The following MAP4K3 variants were observed in gnomAD, a reference collection of about 807,000 sequenced individuals.
MAP4K3 encodes mitogen-activated protein kinase kinase kinase kinase 3.
Under a neutral mutation model 143.5 loss-of-function variants are expected in MAP4K3, and 94 were observed. That is an observed-to-expected ratio of 0.65 (90% CI 0.55 to 0.78). MAP4K3 has a LOEUF of 0.78. Among genes scored for constraint, MAP4K3 ranks in the 30% least tolerant of loss-of-function variants. The pLI is 0.00. For synonymous variants in MAP4K3, 416 were observed against 347.2 expected (o/e 1.20, Z -2.20); for missense variants, 1,077 against 1,068.1 (o/e 1.01, Z -0.12).
intron 26 of MAP4K3, among the ~76,000 whole-genome samples, chr2:39,269,563 C>T (rs920517068): frequency 3.4e-5 from 5 of 147,898 alleles, no homozygotes; most frequent in Non-Finnish European, 5.9e-5. Context: ...CAACCTCTGC[C>T]TCTTGGGTTC....
At chr2:39,396,704 A>G (rs1572486914) in intron 1 of MAP4K3, among the ~76,000 whole-genome samples, 1 of 151,954 alleles carries the variant, frequency 6.6e-6, no homozygotes, top group African/African-American at 2.4e-5. Flanking sequence ...CGATCTCCTG[A>G]CCTTGTGATC....
intron 12 of MAP4K3, among the ~76,000 whole-genome samples, chr2:39,323,978 C>T (rs1683404756): frequency 6.6e-6 from 1 of 152,110 alleles, no homozygotes; most frequent in African/African-American, 2.4e-5. Flanking sequence ...GATTACTTTG[C>T]AGAATTTTAG....
Position 39,292,838 on chromosome 2 carries a change from G to T in MAP4K3, c.1218-12C>A. 1 of 1,605,310 alleles carries T rather than the reference G, an allele frequency of 6.2e-7. No individual in the cohort carries two copies. Among genetic ancestry groups the T allele is most frequent in the Non-Finnish European group, 8.5e-7 (1 of 1,172,756 alleles). ...GTGCGACGTGTCCTCTAAATAAAAA[G>T]GATAATGTCATTGTTATTAAATGGA... On this transcript the variant is annotated splice_polypyrimidine_tract_variant and intron_variant, in intron 17 of 33. Transcript: ENST00000263881.
At chr2:39,276,561 G>C (rs1681262007) in intron 24 of MAP4K3, among the ~76,000 whole-genome samples, 1 of 152,184 alleles carries the variant, frequency 6.6e-6, no homozygotes, top group African/African-American at 2.4e-5. Context: ...TGGAGTCTTT[G>C]GCAAGTTACT....
At chr2:39,306,626 CTTT>C (rs200022793) in intron 15 of MAP4K3, among the ~76,000 whole-genome samples, 1 of 152,066 alleles carries the variant, frequency 6.6e-6, no homozygotes, top group Non-Finnish European at 1.5e-5. Flanking sequence ...TTTAAATCTA[CTTT>C]TTTTTAAAGG....
At chr2:39,327,878 T>C (rs928037920) in intron 8 of MAP4K3, among the ~76,000 whole-genome samples, 21 of 151,746 alleles carry the variant, frequency 1.4e-4, no homozygotes, top group African/African-American at 4.6e-4. Context: ...TGCTCTCCCT[T>C]CTTCTATGTA....
intron 1 of MAP4K3, among the ~76,000 whole-genome samples, chr2:39,385,553 T>C (rs1428406541): frequency 1.5e-4 from 1 of 6,604 alleles, no homozygotes; most frequent in African/African-American, 1.8e-4. Flanking sequence ...GCGTTCTTCA[T>C]ATATATATAT....
intron 1 of MAP4K3, among the ~76,000 whole-genome samples, chr2:39,397,972 G>T (rs1666853779): frequency 6.6e-6 from 1 of 152,124 alleles, no homozygotes; most frequent in Admixed American, 6.5e-5. Context: ...TCTGATTTAA[G>T]TCCAACCACT....
intron 1 of MAP4K3, among the ~76,000 whole-genome samples, chr2:39,385,028 T>C (rs1314684186): frequency 6.6e-6 from 1 of 152,244 alleles, no homozygotes; most frequent in Non-Finnish European, 1.5e-5. Context: ...TTTCACCAAG[T>C]TGTTGCATAT....
chr2:39,385,821 G>A (rs1404240860), intron 1 of MAP4K3, among the ~76,000 whole-genome samples: 1 of 151,740 alleles, frequency 6.6e-6, no homozygotes, highest in Non-Finnish European at 1.5e-5. Flanking sequence ...TAGTAGAGAT[G>A]AGGTTTCACC....
chr2:39,403,768 G>C (rs1667018240), intron 1 of MAP4K3, among the ~76,000 whole-genome samples: 1 of 151,348 alleles, frequency 6.6e-6, no homozygotes, highest in South Asian at 2.1e-4. Context: ...GCAGCTAAGG[G>C]AGTGCTTGTG....
chr2:39,262,562 TA>T (rs202195339), intron 28 of MAP4K3, among the ~76,000 whole-genome samples: 5 of 151,458 alleles, frequency 3.3e-5, no homozygotes, highest in East Asian at 3.9e-4. Context: ...AACAACGCTT[TA>T]AAAAAAAACA....
At chr2:39,425,135 G>T (rs1204979904) in intron 1 of MAP4K3, among the ~76,000 whole-genome samples, 1 of 135,582 alleles carries the variant, frequency 7.4e-6, no homozygotes, top group Non-Finnish European at 1.6e-5. Context: ...CCTCCACTCA[G>T]CTGTCAATTT....
chr2:39,371,720 G>C (rs976693275), intron 2 of MAP4K3, among the ~76,000 whole-genome samples: 1 of 151,734 alleles, frequency 6.6e-6, no homozygotes, highest in South Asian at 2.1e-4. Flanking sequence ...AACAAGAAAA[G>C]AACAGGAGTA....
At chr2:39,324,204 C>T (rs899207862) in intron 12 of MAP4K3, among the ~76,000 whole-genome samples, 2 of 152,054 alleles carry the variant, frequency 1.3e-5, no homozygotes, top group African/African-American at 4.8e-5. Flanking sequence ...GTCAGGAGTT[C>T]GAGACCAACC....
At chr2:39,290,200 C>A in intron 19 of MAP4K3, 92 bp downstream of exon 19, 1 of 870,722 alleles carries the variant, frequency 1.1e-6, no homozygotes, top group Non-Finnish European at 1.7e-6. Context: ...CTTTGTGGAT[C>A]ACAAATGAAA....
intron 1 of MAP4K3, among the ~76,000 whole-genome samples, chr2:39,406,759 C>T (rs542525427): frequency 1.3e-5 from 2 of 152,036 alleles, no homozygotes; most frequent in Non-Finnish European, 2.9e-5. Flanking sequence ...AAAAAGGATG[C>T]TAATCAGCAA....
At position 39,407,229 on chromosome 2, in the gene MAP4K3, T is replaced by C. The variant is rs143931827; in HGVS notation, c.97-29106A>G. On this transcript the variant is annotated intron_variant, in intron 1 of 33. Coordinates refer to ENST00000263881, the MANE Select transcript of MAP4K3 (RefSeq NM_003618.4). ...AAGAGAACTGTGCCAATATAGCAAA[T>C]AGCATATGAAAAAGACCTAAAGCTA... is the stretch of plus-strand genomic sequence containing the variant. Among the ~76,000 whole-genome samples, 12 of 151,072 alleles carry C rather than the reference T, an allele frequency of 7.9e-5. No homozygotes were observed. In the East Asian group the frequency reaches 2.3e-3, roughly 30 times the overall value.
At chr2:39,295,714 T>C (rs1157296614) in intron 16 of MAP4K3, among the ~76,000 whole-genome samples, 1 of 122,446 alleles carries the variant, frequency 8.2e-6, no homozygotes, top group East Asian at 2.4e-4. Context: ...TCGCATTCCA[T>C]GTTTTTTTTT....
Sources: allele counts gnomAD v4.1 joint callset (sites outside exome capture counted in the v4.1 genomes callset), GRCh38; gene constraint gnomAD v4.1.1; transcripts MANE v1.5; gene names NCBI Gene and HGNC (gene_info 2026-07-23, HGNC 2026-07-21).